Variants in MYT1L observed in about 807,000 individuals in gnomAD.
The protein encoded by MYT1L is myelin transcription factor 1-like protein.
MYT1L carries 12 observed loss-of-function variants against 126.7 expected under a neutral mutation model. The ratio of observed to expected loss-of-function variants is 0.09; its 90% CI spans 0.06 to 0.15. MYT1L has a LOEUF of 0.15. Ranked by LOEUF, MYT1L falls within the 10% of genes least tolerant of loss-of-function variation. The probability of loss-of-function intolerance (pLI) is 1.00; values close to 1 mark genes in which losing one functional copy is unlikely to be tolerated. For missense variants in MYT1L, 979 were observed against 1,585.2 expected (o/e 0.62, Z 6.49); for synonymous variants, 541 against 604.2 (o/e 0.90, Z 1.53).
chr2:2,110,831 G>C (rs2079344249), intron 3 of MYT1L, among the ~76,000 whole-genome samples: 1 of 152,174 alleles, frequency 6.6e-6, no homozygotes. Flanking sequence ...GACGCTTATG[G>C]GGGGCAGTAT....
intron 8 of MYT1L, among the ~76,000 whole-genome samples, chr2:1,944,433 C>T (rs779797687): frequency 2.3e-4 from 35 of 151,996 alleles, no homozygotes; most frequent in Non-Finnish European, 4.0e-4. Context: ...TTATGCAGAA[C>T]GAGATGTGTG....
intron 3 of MYT1L, among the ~76,000 whole-genome samples, chr2:2,150,831 A>C (rs2085642005): frequency 6.9e-6 from 1 of 144,796 alleles, no homozygotes; most frequent in African/African-American, 2.5e-5. Flanking sequence ...TGAAGAGGAA[A>C]GGAAGGGAAG....
chr2:1,827,294 A>ACCCTC (rs1403644968), intron 21 of MYT1L: 3 of 152,050 alleles, frequency 2.0e-5, no homozygotes, highest in African/African-American at 7.3e-5. Context: ...GGCTGGGGCC[A>ACCCTC]CCCTCCCTTC....
intron 4 of MYT1L, among the ~76,000 whole-genome samples, chr2:2,051,860 T>G (rs997789074): frequency 6.6e-6 from 1 of 152,194 alleles, no homozygotes; most frequent in African/African-American, 2.4e-5. Flanking sequence ...CCTGTTTCTG[T>G]CTCATTAAGA....
At chr2:2,263,747 C>T (rs570988596) in intron 2 of MYT1L, among the ~76,000 whole-genome samples, 2 of 152,128 alleles carry the variant, frequency 1.3e-5, no homozygotes, top group African/African-American at 2.4e-5. Flanking sequence ...TCCTCAGACG[C>T]TCCTGGCATC....
At chr2:2,107,045 A>T (rs1032616867) in intron 3 of MYT1L, among the ~76,000 whole-genome samples, 3 of 152,232 alleles carry the variant, frequency 2.0e-5, no homozygotes, top group African/African-American at 7.2e-5. Context: ...AGATCAACAC[A>T]TCTGTCTCCC....
At chr2:2,086,053 GA>G (rs1314578007) in intron 3 of MYT1L, among the ~76,000 whole-genome samples, 1 of 152,156 alleles carries the variant, frequency 6.6e-6, no homozygotes, top group African/African-American at 2.4e-5. Flanking sequence ...TGATTTCGAA[GA>G]AAAATGAAGG....
chr2:2,308,449 C>T (rs1038117231), intron 1 of MYT1L, among the ~76,000 whole-genome samples: 13 of 150,434 alleles, frequency 8.6e-5, no homozygotes, highest in African/African-American at 3.2e-4. Context: ...TACCTATATT[C>T]CACCTATGCT....
At chr2:2,289,464 T>C (rs1486746429) in intron 1 of MYT1L, among the ~76,000 whole-genome samples, 1 of 152,220 alleles carries the variant, frequency 6.6e-6, no homozygotes, top group Non-Finnish European at 1.5e-5. Context: ...TACATATATC[T>C]TATAGAAAAG....
chr2:2,327,986 T>G (rs975377982), intron 1 of MYT1L, among the ~76,000 whole-genome samples: 5 of 152,190 alleles, frequency 3.3e-5, no homozygotes, highest in Non-Finnish European at 7.3e-5. Flanking sequence ...ACAGGTAGAG[T>G]TGGAAATCTA....
At chr2:1,946,977 GC>G (rs1264089924) in intron 8 of MYT1L, among the ~76,000 whole-genome samples, 1 of 152,182 alleles carries the variant, frequency 6.6e-6, no homozygotes, top group African/African-American at 2.4e-5. Context: ...TCCAGAGCCT[GC>G]CCTTGGTGTC....
chr2:2,020,105 A>G (rs1256343085), intron 4 of MYT1L, among the ~76,000 whole-genome samples: 2 of 152,124 alleles, frequency 1.3e-5, no homozygotes, highest in East Asian at 3.9e-4. Flanking sequence ...TCAGCCTCCC[A>G]AAGTGCTGAG....
chr2:2,311,717 C>A (rs1042731447), intron 1 of MYT1L, among the ~76,000 whole-genome samples: 8 of 152,096 alleles, frequency 5.3e-5, no homozygotes, highest in African/African-American at 1.9e-4. Context: ...GGAGCAGGAA[C>A]AAATAAGGGA....
chr2:1,812,450 A>C (rs1298286152), intron 21 of MYT1L, among the ~76,000 whole-genome samples: 2 of 152,162 alleles, frequency 1.3e-5, no homozygotes, highest in East Asian at 3.8e-4. Flanking sequence ...GAAAGCATAA[A>C]ATGTCTGAAT....
rs532236774 is a variant in MYT1L, at chr2:2,137,136, C to T, written c.-304+35736G>A. Among the ~76,000 whole-genome samples the T allele has an allele frequency of 6.7e-3, 1,013 of 152,124 alleles. 8 individuals carry two copies. The highest frequency in any genetic ancestry group is 0.023 in the African/African-American group (942 of 41,492). ...ACCTAGGAATCCACCTTACAAGGGA[C>T]GTGAAGGACCTCTTCAAGGAGAACT... On this transcript the variant is annotated intron_variant, in intron 3 of 24. Coordinates refer to ENST00000647738, the MANE Select transcript of MYT1L (RefSeq NM_001303052.2).
intron 9 of MYT1L, among the ~76,000 whole-genome samples, chr2:1,935,866 T>C (rs1276221395): frequency 6.6e-6 from 1 of 152,244 alleles, no homozygotes; most frequent in Non-Finnish European, 1.5e-5. Context: ...CATTTTCTGT[T>C]TTCATTATCA....
chr2:2,272,039 G>T (rs2095273735), intron 2 of MYT1L, among the ~76,000 whole-genome samples: 1 of 152,188 alleles, frequency 6.6e-6, no homozygotes, highest in South Asian at 2.1e-4. Context: ...TCCTGGCGAG[G>T]CCTCGCCCCA....
chr2:2,253,277 T>C (rs1226490771), intron 2 of MYT1L, among the ~76,000 whole-genome samples: 1 of 152,364 alleles, frequency 6.6e-6, no homozygotes, highest in Middle Eastern at 3.4e-3. Flanking sequence ...CTCCCTTCTC[T>C]GGGAACAGGG....
intron 8 of MYT1L, among the ~76,000 whole-genome samples, chr2:1,952,489 A>C (rs1184131370): frequency 2.0e-5 from 3 of 151,980 alleles, no homozygotes; most frequent in African/African-American, 7.3e-5. Context: ...ACGTTTTCCA[A>C]ACCAGCTTTC....
Sources: allele counts gnomAD v4.1 joint callset (sites outside exome capture counted in the v4.1 genomes callset), GRCh38; gene constraint gnomAD v4.1.1; transcripts MANE v1.5; gene names NCBI Gene and HGNC (gene_info 2026-07-23, HGNC 2026-07-21).